ZFHX3: variants seen among roughly 807,000 people sequenced by gnomAD.
ZFHX3 encodes the protein zinc finger homeobox protein 3.
In ZFHX3, 42 loss-of-function variants were observed where a neutral mutation model predicts 279.1. The ratio of observed to expected loss-of-function variants is 0.15; its 90% CI spans 0.12 to 0.19. The LOEUF is 0.19. Ranked by LOEUF, ZFHX3 falls within the 10% of genes least tolerant of loss-of-function variation. ZFHX3 has a pLI of 1.00. For synonymous variants in ZFHX3, 2,293 were observed against 1,957.8 expected, an observed-to-expected ratio of 1.17 and a Z score of -4.52; for missense variants, 4,981 against 4,754.0, an observed-to-expected ratio of 1.05 and a Z score of -1.40.
intron 5 of ZFHX3, among the ~76,000 whole-genome samples, chr16:73,191,452 T>C (rs1968031661): frequency 6.6e-6 from 1 of 152,018 alleles, no homozygotes; most frequent in African/African-American, 2.4e-5. Context: ...TCCCAATGAG[T>C]CCCGGGGGTA....
intron 5 of ZFHX3, among the ~76,000 whole-genome samples, chr16:73,245,409 A>G (rs2013249935): frequency 6.6e-6 from 1 of 152,224 alleles, no homozygotes; most frequent in Non-Finnish European, 1.5e-5. Flanking sequence ...CACTGGGATT[A>G]CAGGCATGAA....
At chr16:72,927,499 CAT>C (rs935174203) in intron 3 of ZFHX3, among the ~76,000 whole-genome samples, 4 of 152,216 alleles carry the variant, frequency 2.6e-5, no homozygotes, top group Non-Finnish European at 5.9e-5. Flanking sequence ...GGGGAAGTGA[CAT>C]CACACCTCAC....
At chr16:73,219,248 A>T (rs2012322677) in intron 5 of ZFHX3, among the ~76,000 whole-genome samples, 1 of 152,212 alleles carries the variant, frequency 6.6e-6, no homozygotes, top group Non-Finnish European at 1.5e-5. Flanking sequence ...ATGGCAACCA[A>T]AATTCACAGA....
intron 3 of ZFHX3, among the ~76,000 whole-genome samples, chr16:73,328,327 A>C (rs2015733439): frequency 6.6e-6 from 1 of 152,194 alleles, no homozygotes; most frequent in Non-Finnish European, 1.5e-5. Flanking sequence ...AATCTGGTCA[A>C]TATCAGGAAA....
At chr16:73,593,719 G>A (rs1162158616) in intron 2 of ZFHX3, among the ~76,000 whole-genome samples, 1 of 152,052 alleles carries the variant, frequency 6.6e-6, no homozygotes, top group South Asian at 2.1e-4. Context: ...CAGGGATTCT[G>A]GAACCAATCT....
At chr16:73,208,248 T>C (rs891685442) in intron 5 of ZFHX3, among the ~76,000 whole-genome samples, 6 of 152,210 alleles carry the variant, frequency 3.9e-5, no homozygotes, top group Non-Finnish European at 1.5e-5. Context: ...TTATGTTACA[T>C]CCATATGATA....
chr16:72,921,659 G>A (rs2039587787), intron 3 of ZFHX3, among the ~76,000 whole-genome samples: 1 of 152,228 alleles, frequency 6.6e-6, no homozygotes, highest in Admixed American at 6.5e-5. Context: ...TGCAGCAAAT[G>A]ATCACTGCAT....
chr16:73,173,703 C>T (rs1028225469), intron 5 of ZFHX3, among the ~76,000 whole-genome samples: 3 of 152,124 alleles, frequency 2.0e-5, no homozygotes, highest in Non-Finnish European at 2.9e-5. Flanking sequence ...TCTGAAACGA[C>T]CACAACCGCC....
chr16:73,821,788 C>T (rs548079908), intron 1 of ZFHX3, among the ~76,000 whole-genome samples: 94 of 152,298 alleles, frequency 6.2e-4, no homozygotes, highest in African/African-American at 1.9e-3. Context: ...AGGAGACGGT[C>T]GTCAGGGTGC....
intron 1 of ZFHX3, among the ~76,000 whole-genome samples, chr16:72,963,502 C>G (rs1484172174): frequency 6.6e-6 from 1 of 152,198 alleles, no homozygotes; most frequent in Non-Finnish European, 1.5e-5. Context: ...GAAAGGTAAT[C>G]TTGTACAGAA....
At chr16:73,870,571 C>T (rs1008841220) in intron 1 of ZFHX3, among the ~76,000 whole-genome samples, 1 of 152,100 alleles carries the variant, frequency 6.6e-6, no homozygotes, top group Non-Finnish European at 1.5e-5. Flanking sequence ...ATTTCTTGGA[C>T]AAGACTTGAC....
intron 4 of ZFHX3, among the ~76,000 whole-genome samples, chr16:73,276,795 T>C (rs1421314040): frequency 6.6e-6 from 1 of 152,212 alleles, no homozygotes; most frequent in African/African-American, 2.4e-5. Context: ...AAATTTTCCA[T>C]GAATGTGGGA....
intron 8 of ZFHX3, among the ~76,000 whole-genome samples, chr16:73,073,505 G>C (rs1307091871): frequency 1.3e-5 from 2 of 152,052 alleles, no homozygotes; most frequent in Non-Finnish European, 2.9e-5. Flanking sequence ...GATTTTGTTT[G>C]TTTTGTTTTT....
chr16:73,150,352 G>C (rs922528403), intron 5 of ZFHX3, among the ~76,000 whole-genome samples: 8 of 152,158 alleles, frequency 5.3e-5, no homozygotes, highest in Admixed American at 4.6e-4. Context: ...ATGGCCCTGG[G>C]TTCAAGTCCT....
At chr16:73,313,212 C>G (rs1036250529) in intron 4 of ZFHX3, among the ~76,000 whole-genome samples, 1 of 152,180 alleles carries the variant, frequency 6.6e-6, no homozygotes. Flanking sequence ...TCCACCATGA[C>G]TGTAAGTTTC....
chr16:72,798,296 C>T lies in ZFHX3; in HGVS notation c.4386G>A (p.Gln1462=). 1 of 1,614,168 alleles carries T rather than the reference C, an allele frequency of 6.2e-7. No homozygotes were observed. The highest frequency in any genetic ancestry group is 2.2e-5 in the East Asian group (1 of 44,866). ...HLELSEADIQ[Q]LYGGLLANGD... ...CATTGGCCAGCAGGCCACCATAAAG[C>T]TGTTGGATGTCAGCCTCACTCAGCT... The change falls in exon 9 of 10, where the codon CAG becomes CAA. Residue 1462 remains glutamine (Q), a synonymous_variant. Coordinates refer to ENST00000268489, the MANE Select transcript of ZFHX3 (RefSeq NM_006885.4).
At chr16:73,588,864 G>C (rs997438174) in intron 2 of ZFHX3, among the ~76,000 whole-genome samples, 4 of 152,046 alleles carry the variant, frequency 2.6e-5, no homozygotes, top group Non-Finnish European at 5.9e-5. Flanking sequence ...AAGATTGAGA[G>C]AGAACATGGA....
At chr16:73,107,142 T>C (rs140674391) in intron 7 of ZFHX3, among the ~76,000 whole-genome samples, 30 of 152,114 alleles carry the variant, frequency 2.0e-4, no homozygotes, top group African/African-American at 4.6e-4. Context: ...ATGCTGTCTC[T>C]ACTAAAAATA....
intron 1 of ZFHX3, among the ~76,000 whole-genome samples, chr16:73,751,799 T>G (rs925783117): frequency 6.6e-6 from 1 of 152,132 alleles, no homozygotes. Context: ...GGACACTTCC[T>G]CAGATCCAGC....
Sources: allele counts gnomAD v4.1 joint callset (sites outside exome capture counted in the v4.1 genomes callset), GRCh38; gene constraint gnomAD v4.1.1; transcripts MANE v1.5; gene names NCBI Gene and HGNC (gene_info 2026-07-23, HGNC 2026-07-21).